Variants in TBC1D1 observed in about 807,000 individuals in gnomAD.
TBC1D1 encodes the protein TBC1 domain family member 1.
TBC1D1 carries 89 observed loss-of-function variants against 125.6 expected under a neutral mutation model. That is an observed-to-expected ratio of 0.71 (90% CI 0.60 to 0.85). TBC1D1 has a LOEUF of 0.85. Ranked by LOEUF, TBC1D1 falls within the 40% of genes least tolerant of loss-of-function variation. The probability of loss-of-function intolerance (pLI) is 0.00; values close to 1 mark genes in which losing one functional copy is unlikely to be tolerated. For missense variants in TBC1D1, 1,377 were observed against 1,469.2 expected (o/e 0.94, Z 1.03); for synonymous variants, 565 against 564.1 (o/e 1.00, Z -0.02).
intron 2 of TBC1D1, among the ~76,000 whole-genome samples, chr4:37,969,736 G>T (rs1348209026): frequency 1.3e-5 from 2 of 152,152 alleles, no homozygotes; most frequent in Non-Finnish European, 1.5e-5. Context: ...TCACACAGCG[G>T]GATTTACCAA....
rs984992424 is a variant in TBC1D1, at chr4:37,921,071, C to T, written c.417+18559C>T. ...GTTGCAGCGAGCCGAGATCGCGCCA[C>T]TGCACTCCAGCCAGGGCGACAGAGC... is the stretch of plus-strand genomic sequence containing the variant. On this transcript the variant is annotated intron_variant, in intron 2 of 19. Coordinates refer to ENST00000261439, the MANE Select transcript of TBC1D1 (RefSeq NM_015173.4). Among the ~76,000 whole-genome samples the T allele has an allele frequency of 2.8e-5, 4 of 140,520 alleles. No individual in the cohort carries two copies. The South Asian group carries it at 9.3e-4, about 33-fold the overall frequency. 92.2% of individuals were successfully genotyped at this position (140,520 alleles called of 152,430 possible).
At chr4:38,119,219 CT>C (rs1227483100) in intron 17 of TBC1D1, among the ~76,000 whole-genome samples, 1 of 152,118 alleles carries the variant, frequency 6.6e-6, no homozygotes, top group Admixed American at 6.5e-5. Flanking sequence ...TTCAGACATG[CT>C]TTGGGTAAAC....
intron 15 of TBC1D1, among the ~76,000 whole-genome samples, chr4:38,108,810 A>G (rs1462898714): frequency 6.6e-6 from 1 of 152,270 alleles, no homozygotes; most frequent in Non-Finnish European, 1.5e-5. Context: ...AAAGATGAGA[A>G]GTAGGAGAAC....
intron 3 of TBC1D1, among the ~76,000 whole-genome samples, chr4:38,016,546 T>C (rs755546114): frequency 1.2e-4 from 19 of 152,246 alleles, no homozygotes; most frequent in Non-Finnish European, 2.4e-4. Context: ...CTCCATGGCA[T>C]TTTTACCATT....
chr4:37,941,735 A>G (rs976295668), intron 2 of TBC1D1, among the ~76,000 whole-genome samples: 1 of 152,100 alleles, frequency 6.6e-6, no homozygotes, highest in South Asian at 2.1e-4. Context: ...CTTTGTTCTC[A>G]TTGGTTTCAA....
intron 19 of TBC1D1, among the ~76,000 whole-genome samples, chr4:38,136,603 G>T (rs1239958482): frequency 6.6e-6 from 1 of 152,174 alleles, no homozygotes; most frequent in South Asian, 2.1e-4. Context: ...TTAGAGGATT[G>T]TTACCACGTG....
intron 1 of TBC1D1, among the ~76,000 whole-genome samples, chr4:37,899,887 G>A (rs1256322454): frequency 1.3e-5 from 2 of 151,960 alleles, no homozygotes; most frequent in African/African-American, 4.8e-5. Flanking sequence ...TTGGGAGGCC[G>A]AGGCGGGCGG....
chr4:38,017,114 T>C (rs190473776), intron 3 of TBC1D1, among the ~76,000 whole-genome samples: 2 of 152,316 alleles, frequency 1.3e-5, no homozygotes, highest in East Asian at 3.9e-4. Context: ...GACTTGCTCT[T>C]TACAACCCAG....
rs560925884 is a variant in TBC1D1, at chr4:38,093,852, A to G, written c.2237-2077A>G. Among the ~76,000 whole-genome samples, 15 of 152,196 alleles carry G rather than the reference A, an allele frequency of 9.9e-5. 1 individual carries two copies. The South Asian group carries it at 3.1e-3, about 32-fold the overall frequency. On this transcript the variant is annotated intron_variant, in intron 13 of 19. Transcript: ENST00000261439. ...CCAGCCAATTTTTCTGTATTTTTAA[A>G]TGAAGATGTGAGCAGCCTAATGTAA...
chr4:37,947,432 C>T (rs942898466), intron 2 of TBC1D1, among the ~76,000 whole-genome samples: 2 of 152,130 alleles, frequency 1.3e-5, no homozygotes, highest in Admixed American at 6.5e-5. Context: ...GCTGAGATTA[C>T]AGGCATGAGC....
rs781094713 is a variant in TBC1D1, at chr4:38,118,104, C to A, written c.2874C>A (p.His958Gln). The change falls in exon 17 of 20, where the codon CAC becomes CAA. Residue 958 changes from histidine to glutamine, a missense_variant. Around this residue, in one of 3 missense-constraint regions of TBC1D1, gnomAD observed 543 missense variants for 613.5 expected, o/e 0.89. Coordinates refer to ENST00000261439, the MANE Select transcript of TBC1D1 (RefSeq NM_015173.4). ...ACCTCTACAATCACCTGGAGGAGCA[C>A]GAGATCGGCCCCAGCCTCTACGCTG... The A allele has an allele frequency of 1.3e-4, 212 of 1,614,048 alleles. No homozygotes were observed. Among genetic ancestry groups the A allele is most frequent in the Non-Finnish European group, 1.8e-4 (208 of 1,180,028 alleles).
chr4:38,027,643 AAAAT>A (rs1745322062), intron 6 of TBC1D1, 141 bp from the exon 7 acceptor site: 1 of 505,970 alleles, frequency 2.0e-6, no homozygotes, highest in Non-Finnish European at 3.5e-6. Flanking sequence ...GTCAAAAAAA[AAAAT>A]AAAATATTTT....
At position 37,977,398 on chromosome 4, in the gene TBC1D1, C is replaced by T. The variant is rs985833465; in HGVS notation, c.418-37111C>T. 8.1e-5 allele frequency: 48 copies of T among 595,378 alleles called. No individual in the cohort carries two copies. The South Asian group carries it at 2.2e-3, about 27-fold the overall frequency. 36.9% of individuals were successfully genotyped at this position (595,378 alleles called of 1,614,324 possible). A position where few individuals can be genotyped will look rare whatever the true frequency, so the allele number is the denominator to read the frequency against. On this transcript the variant is annotated intron_variant, in intron 2 of 19. Transcript: ENST00000261439. The surrounding 1 kb of genome is among the most constrained non-coding windows in gnomAD (Gnocchi z 4.3). ...GCCGCCGGGGAGAGCGATGCCCCGG[C>T]CCCGCCGCTCCCCAAGCCCGCCCCC... is the stretch of plus-strand genomic sequence containing the variant.
chr4:38,073,099 C>T (rs554886372), intron 12 of TBC1D1, among the ~76,000 whole-genome samples: 1 of 152,314 alleles, frequency 6.6e-6, no homozygotes, highest in Non-Finnish European at 1.5e-5. Flanking sequence ...GTGCAAATGT[C>T]TCTTCAAGAT....
intron 6 of TBC1D1, among the ~76,000 whole-genome samples, chr4:38,024,853 CAAAG>C (rs947107354): frequency 5.9e-5 from 9 of 152,142 alleles, no homozygotes; most frequent in Non-Finnish European, 8.8e-5. Context: ...TGTGGCCACA[CAAAG>C]AAAGACTTAA....
intron 2 of TBC1D1, chr4:37,960,654 T>A (rs369020089): frequency 2.7e-5 from 43 of 1,613,978 alleles, no homozygotes; most frequent in Non-Finnish European, 3.6e-5. Context: ...TACAGAAAAG[T>A]CAGTAAAGAC....
At chr4:38,029,556 A>G (rs1745739493) in intron 7 of TBC1D1, among the ~76,000 whole-genome samples, 1 of 152,114 alleles carries the variant, frequency 6.6e-6, no homozygotes, top group Non-Finnish European at 1.5e-5. Flanking sequence ...TTCAGTAGAG[A>G]CGGGGTTTCA....
At chr4:37,981,372 T>C (rs955273638) in intron 2 of TBC1D1, among the ~76,000 whole-genome samples, 3 of 152,242 alleles carry the variant, frequency 2.0e-5, no homozygotes, top group African/African-American at 7.2e-5. Flanking sequence ...ACAGGTCATT[T>C]AACAAATGTG....
chr4:38,007,308 G>A (rs138662088), intron 2 of TBC1D1, among the ~76,000 whole-genome samples: 11,173 of 151,552 alleles, frequency 0.074, 486 homozygotes, highest in Non-Finnish European at 0.093. Flanking sequence ...GCTGGAGTGC[G>A]GTGGTGAGAT....
Sources: allele counts gnomAD v4.1 joint callset (sites outside exome capture counted in the v4.1 genomes callset), GRCh38; gene constraint gnomAD v4.1.1; regional missense constraint gnomAD v4.1.1; non-coding constraint Gnocchi (gnomAD v3.1); transcripts MANE v1.5; gene names NCBI Gene and HGNC (gene_info 2026-07-23, HGNC 2026-07-21).